ABHD18: variants seen among roughly 807,000 people sequenced by gnomAD.
The protein encoded by ABHD18 is abhydrolase domain containing 18, also known as cardiolipin-specific deacylase, mitochondrial.
Under a neutral mutation model 65.9 loss-of-function variants are expected in ABHD18, and 55 were observed. The observed-to-expected ratio is 0.84, with a 90% CI of 0.67 to 1.05. ABHD18 has a LOEUF of 1.05. Ranked by LOEUF, ABHD18 falls within the 50% of genes least tolerant of loss-of-function variation. The pLI is 0.00. For missense variants in ABHD18, 533 were observed against 558.5 expected (o/e 0.95, Z 0.46); for synonymous variants, 181 against 180.2 (o/e 1.00, Z -0.04).
At chr4:127,979,839 C>T (rs946461600) in intron 1 of ABHD18, among the ~76,000 whole-genome samples, 3 of 139,082 alleles carry the variant, frequency 2.2e-5, no homozygotes, top group African/African-American at 8.1e-5. Context: ...TCACTTGAGC[C>T]AAGGAGGTAG....
Position 127,972,353 on chromosome 4 carries a change from G to T in ABHD18, c.-18+6747G>T, listed in dbSNP as rs75532884. On this transcript the variant is annotated intron_variant, in intron 1 of 12. Coordinates refer to ENST00000645843, the MANE Select transcript of ABHD18 (RefSeq NM_001358451.3). ...TTCCAGCTCCCTTCCCCTCTGTGGA[G>T]GTCAGAGGGTCCCAAAGTTCCTTTC... Among the ~76,000 whole-genome samples the T allele has an allele frequency of 3.0e-3, 455 of 152,176 alleles. 4 individuals carry two copies. The highest frequency in any genetic ancestry group is 0.011 in the African/African-American group (438 of 41,514).
intron 3 of ABHD18, among the ~76,000 whole-genome samples, chr4:127,986,063 A>G (rs768979592): frequency 2.6e-5 from 4 of 152,156 alleles, no homozygotes; most frequent in Non-Finnish European, 5.9e-5. Flanking sequence ...TATACAATTG[A>G]ATGGTTTTTA....
chr4:127,989,892 G>T, intron 4 of ABHD18, 71 bp downstream of exon 4: 1 of 948,326 alleles, frequency 1.1e-6, no homozygotes. Flanking sequence ...TCAACACTAT[G>T]TTATTTGAAA....
intron 4 of ABHD18, among the ~76,000 whole-genome samples, chr4:127,999,976 G>A (rs971162317): frequency 4.6e-5 from 7 of 152,182 alleles, no homozygotes; most frequent in African/African-American, 9.7e-5. Flanking sequence ...CAATCATGGC[G>A]GAAGGTGAAA....
At chr4:127,982,562 T>C (rs552140391) in intron 1 of ABHD18, among the ~76,000 whole-genome samples, 1 of 152,278 alleles carries the variant, frequency 6.6e-6, no homozygotes, top group South Asian at 2.1e-4. Context: ...CTCAAAATTG[T>C]TGGTAGGTTT....
chr4:128,031,606 TA>T (rs887087233), intron 12 of ABHD18, among the ~76,000 whole-genome samples: 1 of 152,120 alleles, frequency 6.6e-6, no homozygotes, highest in South Asian at 2.1e-4. Flanking sequence ...ACATAAGTGT[TA>T]AAAAAAACTT....
Position 128,039,193 on chromosome 4 carries a change from A to G in ABHD18, c.*3380A>G, listed in dbSNP as rs1231221645. The G allele has an allele frequency of 7.1e-6, 1 of 140,604 alleles. No homozygotes were observed. Among genetic ancestry groups the G allele is most frequent in the Non-Finnish European group, 1.5e-5 (1 of 65,558 alleles). The allele number at this position is 140,604 out of a possible 1,614,324, so 8.7% of individuals were successfully genotyped here. A position where few individuals can be genotyped will look rare whatever the true frequency, so the allele number is the denominator to read the frequency against. On this transcript the variant is annotated 3_prime_UTR_variant, in exon 13 of 13. Transcript: ENST00000645843. ...TATATATATATATATATAATCTCAA[A>G]GAAGTGCGGTCTGCCATTTATCTGC... is the stretch of plus-strand genomic sequence containing the variant.
At chr4:127,981,457 A>G (rs1302883105) in intron 1 of ABHD18, among the ~76,000 whole-genome samples, 1 of 152,214 alleles carries the variant, frequency 6.6e-6, no homozygotes, top group Non-Finnish European at 1.5e-5. Flanking sequence ...AAAATATAAG[A>G]TCAATGAGAA....
chr4:128,035,318 T>C (rs543697421), intron 12 of ABHD18, among the ~76,000 whole-genome samples: 1 of 152,234 alleles, frequency 6.6e-6, no homozygotes, highest in South Asian at 2.1e-4. Context: ...CCGGTAGTGG[T>C]GGTAAAGTTG....
chr4:128,002,670 GTC>G (rs1314682630), intron 4 of ABHD18, among the ~76,000 whole-genome samples: 1 of 152,050 alleles, frequency 6.6e-6, no homozygotes, highest in Non-Finnish European at 1.5e-5. Flanking sequence ...TTGAGACAGA[GTC>G]TCGCTCTGTC....
chr4:128,023,532 T>C (rs1428501199), intron 10 of ABHD18, among the ~76,000 whole-genome samples: 2 of 147,344 alleles, frequency 1.4e-5, no homozygotes, highest in Non-Finnish European at 3.0e-5. Context: ...AGCAGTGAGC[T>C]ATGATTGTGT....
At chr4:127,977,690 G>A (rs1054470207) in intron 1 of ABHD18, among the ~76,000 whole-genome samples, 1 of 152,052 alleles carries the variant, frequency 6.6e-6, no homozygotes, top group African/African-American at 2.4e-5. Context: ...CATTACAAAC[G>A]AATAAGTCTC....
At chr4:128,006,638 CTT>C (rs1753646675) in intron 4 of ABHD18, among the ~76,000 whole-genome samples, 1 of 152,150 alleles carries the variant, frequency 6.6e-6, no homozygotes, top group African/African-American at 2.4e-5. Context: ...AGAGTACAGT[CTT>C]TTACTATGAT....
intron 4 of ABHD18, among the ~76,000 whole-genome samples, chr4:127,994,518 C>T (rs1028059194): frequency 6.6e-6 from 1 of 151,988 alleles, no homozygotes; most frequent in Non-Finnish European, 1.5e-5. Flanking sequence ...ACCTGGAAGG[C>T]GAAGGTTGCA....
intron 12 of ABHD18, 61 bp downstream of exon 12, chr4:128,030,733 C>A: frequency 6.6e-7 from 1 of 1,514,182 alleles, no homozygotes; most frequent in East Asian, 2.6e-5. Context: ...GGATTTTTTG[C>A]TTCAACAAAT....
At chr4:127,992,016 A>G (rs889722824) in intron 4 of ABHD18, among the ~76,000 whole-genome samples, 12 of 152,202 alleles carry the variant, frequency 7.9e-5, no homozygotes, top group African/African-American at 1.7e-4. Flanking sequence ...AAGGCAAGCA[A>G]TGTCATGTAG....
chr4:128,028,547 A>T lies in ABHD18; in HGVS notation c.874A>T (p.Asn292Tyr), dbSNP rs1259642716. Residue 292 changes from asparagine to tyrosine, a missense_variant, in exon 11 of 13, where the codon AAT (asparagine) becomes TAT (tyrosine). Physicochemically the swap from Asn to Tyr is moderately radical, Grantham distance 143 (BLOSUM62 -2). This residue lies in a region of ABHD18 where 220 missense variants were observed against 226.8 expected (regional missense o/e 0.97). Transcript: ENST00000645843. ...CAGTGCAGACAAGCTAACTAACCTT[A>T]ATCTGGTTTCCAGAACTTTAAATTT... The part of the protein sequence containing the change: ...TSSADKLTNL[N>Y]LVSRTLNLDI... 2 of 1,611,514 alleles carry T rather than the reference A, an allele frequency of 1.2e-6. No individual in the cohort carries two copies. Among genetic ancestry groups the T allele is most frequent in the South Asian group, 2.2e-5 (2 of 90,650 alleles).
At chr4:127,991,172 G>A (rs911142208) in intron 4 of ABHD18, among the ~76,000 whole-genome samples, 1 of 151,898 alleles carries the variant, frequency 6.6e-6, no homozygotes, top group Non-Finnish European at 1.5e-5. Context: ...CACTGTTAAT[G>A]ATTTGTGTTT....
At chr4:128,027,298 C>T (rs549396107) in intron 10 of ABHD18, among the ~76,000 whole-genome samples, 3 of 152,234 alleles carry the variant, frequency 2.0e-5, no homozygotes, top group East Asian at 1.9e-4. Flanking sequence ...ATGCATTTCT[C>T]AGAACATATC....
Sources: gnomAD v4.1 joint callset for allele counts (sites outside exome capture counted in the v4.1 genomes callset) on GRCh38, gnomAD v4.1.1 for gene constraint, gnomAD v4.1.1 regional missense constraint, MANE v1.5 for transcripts, NCBI Gene and HGNC (gene_info 2026-07-23, HGNC 2026-07-21) for gene names.